MPPED1: variants seen among roughly 807,000 people sequenced by gnomAD.
The protein encoded by MPPED1 is metallophosphoesterase domain containing 1.
A neutral mutation model predicts 36.2 loss-of-function variants in MPPED1; 16 were observed. The ratio of observed to expected loss-of-function variants is 0.44; its 90% confidence interval spans 0.30 to 0.67. MPPED1 has a LOEUF of 0.67. Ranked by LOEUF, MPPED1 falls within the 30% of genes least tolerant of loss-of-function variation. MPPED1 has a pLI of 0.10. For missense variants in MPPED1, 307 were observed against 453.4 expected (o/e 0.68, Z 2.93); for synonymous variants, 199 against 191.3 (o/e 1.04, Z -0.33).
chr22:43,502,566 G>A lies in MPPED1; in HGVS notation c.749-78G>A. On this transcript the variant is annotated intron_variant, in intron 5 of 6. Transcript: ENST00000443721. The surrounding 1 kb of genome is among the most constrained non-coding windows in gnomAD (Gnocchi z 5.5). Reference sequence around the variant, plus strand: ...AGCCCCATGCCTTCTCCAGGCTGCAGAAGCTGCTGCTAGGCGTGGGGCAGT... The same window carrying A: ...AGCCCCATGCCTTCTCCAGGCTGCAAAAGCTGCTGCTAGGCGTGGGGCAGT... The A allele has an allele frequency of 8.6e-7, 1 of 1,165,718 alleles. No individual in the cohort carries two copies. The highest frequency in any genetic ancestry group is 1.3e-6 in the Non-Finnish European group (1 of 783,066). 72.2% of individuals were successfully genotyped at this position (1,165,718 alleles called of 1,614,324 possible).
intron 4 of MPPED1, among the ~76,000 whole-genome samples, chr22:43,497,044 AGTGGTGGTGGAGATGGTGGTGGTGGAG>A (rs1932431335): frequency 1.5e-4 from 4 of 27,088 alleles, no homozygotes; most frequent in African/African-American, 6.6e-4. Context: ...TGGTGGAGGT[AGTGGTGGTGGAGATGGTGGTGGTGGAG>A]GTGGTGGTGG....
Position 43,481,768 on chromosome 22 carries a change from C to G in MPPED1, c.632+6807C>G, listed in dbSNP as rs1294842481. Among the ~76,000 whole-genome samples the G allele has an allele frequency of 3.3e-5, 5 of 152,172 alleles. No homozygotes were observed. The South Asian group carries it at 8.3e-4, about 25-fold the overall frequency. ...CCCCCTTGATACCATCCCCTTCACC[C>G]TCAAGCTGAAGGCCAGATGCCCCCT... On this transcript the variant is annotated intron_variant, in intron 4 of 6. Coordinates refer to ENST00000443721, the MANE Select transcript of MPPED1 (RefSeq NM_001044370.2).
chr22:43,490,125 A>G (rs138654742), intron 4 of MPPED1, among the ~76,000 whole-genome samples: 66,874 of 152,128 alleles, frequency 0.44, 14,927 homozygotes, highest in Non-Finnish European at 0.46. Flanking sequence ...TACCCAGTAG[A>G]GGAAAACAAG....
chr22:43,468,362 G>A (rs1463935408), intron 3 of MPPED1, among the ~76,000 whole-genome samples: 5 of 152,170 alleles, frequency 3.3e-5, no homozygotes, highest in Non-Finnish European at 7.4e-5. Flanking sequence ...CAGCGTTCTC[G>A]CCCACCTAGC....
rs138480426 is a variant in MPPED1, at chr22:43,463,341, T to C, written c.407-11395T>C. Among the ~76,000 whole-genome samples the C allele has an allele frequency of 8.4e-3, 1,252 of 149,810 alleles. 17 individuals carry two copies. Among genetic ancestry groups the C allele is most frequent in the African/African-American group, 0.029 (1,199 of 40,938 alleles). On this transcript the variant is annotated intron_variant, in intron 3 of 6. Transcript: ENST00000443721. The stretch of plus-strand genomic sequence containing the variant: ...GGCTTATGATTTTTTCTTTTTTTTT[T>C]TTTTTTTTGAGACAGGATCTTGCTC...
intron 3 of MPPED1, among the ~76,000 whole-genome samples, chr22:43,464,948 A>G (rs1357360013): frequency 1.3e-5 from 2 of 152,084 alleles, no homozygotes; most frequent in Admixed American, 6.5e-5. Flanking sequence ...CCCGTCCTAT[A>G]CAAGGGCCCC....
chr22:43,506,852 T>A lies in MPPED1; in HGVS notation c.*1236T>A, dbSNP rs2146933049. Reference sequence around the variant, plus strand: ...ATTCTGTCGTTATTTAATATTTTGTTCATCATGGACTTTTTCTGCATTTAT... The same window carrying A: ...ATTCTGTCGTTATTTAATATTTTGTACATCATGGACTTTTTCTGCATTTAT... On this transcript the variant is annotated 3_prime_UTR_variant, in exon 7 of 7. Coordinates refer to ENST00000443721, the MANE Select transcript of MPPED1 (RefSeq NM_001044370.2). 1 of 152,318 alleles carries A rather than the reference T, an allele frequency of 6.6e-6. No homozygotes were observed. The highest frequency in any genetic ancestry group is 1.9e-4 in the East Asian group (1 of 5,180). 9.4% of individuals were successfully genotyped at this position (152,318 alleles called of 1,614,324 possible).
At chr22:43,453,509 G>A (rs1930646591) in intron 3 of MPPED1, among the ~76,000 whole-genome samples, 1 of 152,092 alleles carries the variant, frequency 6.6e-6, no homozygotes. Flanking sequence ...CCAGTCCTGC[G>A]GCTTCGTTGT....
rs767168640 is a variant in MPPED1, at chr22:43,474,854, G to A, written c.525G>A (p.Lys175=). The A allele has an allele frequency of 1.1e-4, 177 of 1,613,934 alleles. No individual in the cohort carries two copies. The highest frequency in any genetic ancestry group is 1.4e-4 in the Non-Finnish European group (169 of 1,179,912). ...TTTACTACTTCCCATCTGTGTCGAA[G>A]CTGAAGCCGGAGAACTATGAGAATG... ...QDFYYFPSVS[K]LKPENYENVQ... The change falls in exon 4 of 7, where the codon AAG becomes AAA. Residue 175 remains lysine (K), a synonymous_variant. Coordinates refer to ENST00000443721, the MANE Select transcript of MPPED1 (RefSeq NM_001044370.2). The surrounding 1 kb of genome is among the most constrained non-coding windows in gnomAD (Gnocchi z 5.2).
In MPPED1 at chr22:43,445,930, G is replaced by A. The variant is rs144957127; in HGVS notation, c.406+10715G>A. Among the ~76,000 whole-genome samples, 229 of 135,976 alleles carry A rather than the reference G, an allele frequency of 1.7e-3. 1 individual carries two copies. The highest frequency in any genetic ancestry group is 6.2e-3 in the African/African-American group (214 of 34,556). 89.2% of individuals were successfully genotyped at this position (135,976 alleles called of 152,430 possible). A position where few individuals can be genotyped will look rare whatever the true frequency, so the allele number is the denominator to read the frequency against. On this transcript the variant is annotated intron_variant, in intron 3 of 6. Coordinates refer to ENST00000443721, the MANE Select transcript of MPPED1 (RefSeq NM_001044370.2). Reference sequence around the variant, plus strand: ...CAGGGTCCTAGGCTGGAGTGCAGTGGTGTGATCATGGCGCACTGCAGCCTC... The same window carrying A: ...CAGGGTCCTAGGCTGGAGTGCAGTGATGTGATCATGGCGCACTGCAGCCTC...
chr22:43,448,578 T>TTTTTTTTA lies in MPPED1; in HGVS notation c.406+13366_406+13367insTTTTATTT, dbSNP rs1355900233. ...CAAGGTCTAGGCTCTTTTAAAATCT[T>TTTTTTTTA]TTTATTTATTTATTTATTTATTTAT... is the stretch of plus-strand genomic sequence containing the variant. On this transcript the variant is annotated intron_variant, in intron 3 of 6. Coordinates refer to ENST00000443721, the MANE Select transcript of MPPED1 (RefSeq NM_001044370.2). Among the ~76,000 whole-genome samples, 47 of 147,354 alleles carry TTTTTTTTA rather than the reference T, an allele frequency of 3.2e-4. 1 individual carries two copies. Among genetic ancestry groups the TTTTTTTTA allele is most frequent in the African/African-American group, 1.1e-3 (44 of 39,922 alleles).
intron 1 of MPPED1, among the ~76,000 whole-genome samples, chr22:43,421,474 C>T (rs1173303856): frequency 6.6e-6 from 1 of 152,254 alleles, no homozygotes; most frequent in Non-Finnish European, 1.5e-5. Flanking sequence ...TGCATGCTAG[C>T]GCCTGCTCCT....
Position 43,420,811 on chromosome 22 carries a change from T to G in MPPED1, c.-78-4097T>G, listed in dbSNP as rs191319198. Among the ~76,000 whole-genome samples, 729 of 152,362 alleles carry G rather than the reference T, an allele frequency of 4.8e-3. 4 individuals carry two copies. The highest frequency in any genetic ancestry group is 0.016 in the African/African-American group (682 of 41,592). On this transcript the variant is annotated intron_variant, in intron 1 of 6. Coordinates refer to ENST00000443721, the MANE Select transcript of MPPED1 (RefSeq NM_001044370.2). ...TGTCTTTTCTGTTTAATTCTTTGTT[T>G]ACTTTATTGTCCCCCCTCCACCCCG...
chr22:43,426,627 G>C (rs929628792), intron 2 of MPPED1, among the ~76,000 whole-genome samples: 3 of 152,178 alleles, frequency 2.0e-5, no homozygotes, highest in African/African-American at 7.2e-5. Context: ...GTGAGGGCGC[G>C]ACCTCCCGTC....
At chr22:43,430,136 G>C (rs1929622475) in intron 2 of MPPED1, among the ~76,000 whole-genome samples, 2 of 152,174 alleles carry the variant, frequency 1.3e-5, no homozygotes, top group African/African-American at 4.8e-5. Flanking sequence ...CTGATGCCCA[G>C]TCACACGGCT....
intron 1 of MPPED1, chr22:43,417,890 C>T (rs140434577): frequency 1.4e-4 from 52 of 369,472 alleles, no homozygotes; most frequent in Admixed American, 4.7e-4. Context: ...AGCCAAGGTG[C>T]GTCTAGGATC....
At chr22:43,498,869 C>T (rs1241579283) in intron 5 of MPPED1, among the ~76,000 whole-genome samples, 1 of 152,152 alleles carries the variant, frequency 6.6e-6, no homozygotes, top group Non-Finnish European at 1.5e-5. Flanking sequence ...CCCTACTGTC[C>T]CATCTGGGGG....
At chr22:43,416,991 T>C (rs779440235) in intron 1 of MPPED1, 1 of 985,272 alleles carries the variant, frequency 1.0e-6, no homozygotes, top group African/African-American at 1.7e-5. Context: ...GAGCAGCTAT[T>C]TGTGGCAGAC....
rs530540460 is a variant in MPPED1 at position 43,439,585 on chromosome 22, G to A, written c.406+4370G>A. Among the ~76,000 whole-genome samples the A allele has an allele frequency of 2.6e-5, 4 of 152,350 alleles. No individual in the cohort carries two copies. In the South Asian group the frequency reaches 8.3e-4, roughly 32 times the overall value. On this transcript the variant is annotated intron_variant, in intron 3 of 6. Coordinates refer to ENST00000443721, the MANE Select transcript of MPPED1 (RefSeq NM_001044370.2). The stretch of plus-strand genomic sequence containing the variant: ...CTCAGTCCAGTCTCTCAACCTCTCT[G>A]TGCCTCACTTGTAGAACGGGGAGAA...
Sources: allele counts gnomAD v4.1 joint callset (sites outside exome capture counted in the v4.1 genomes callset), GRCh38; gene constraint gnomAD v4.1.1; non-coding constraint Gnocchi (gnomAD v3.1); transcripts MANE v1.5; gene names NCBI Gene and HGNC (gene_info 2026-07-23, HGNC 2026-07-21).